The following OTOF variants were observed in gnomAD, a reference collection of about 807,000 sequenced individuals.
OTOF encodes the protein otoferlin.
A neutral mutation model predicts 236.8 loss-of-function variants in OTOF; 218 were observed. The ratio of observed to expected loss-of-function variants is 0.92; its 90% CI spans 0.82 to 1.03. The LOEUF is 1.03. Ranked by LOEUF, OTOF falls within the 50% of genes least tolerant of loss-of-function variation. OTOF has a pLI of 0.00. For synonymous variants in OTOF, 1,041 were observed against 1,072.5 expected, an observed-to-expected ratio of 0.97 and a Z score of 0.57; for missense variants, 2,590 against 2,694.4, an observed-to-expected ratio of 0.96 and a Z score of 0.86.
Position 26,466,808 on chromosome 2 carries a change from G to A in OTOF, c.4406C>T (p.Ser1469Phe), listed in dbSNP as rs750185599. Reference protein sequence around the residue: ...VYKVPLPEDVSREAGYDSTYG... With the variant: ...VYKVPLPEDVFREAGYDSTYG... ...GGTGGAGTCGTAGCCGGCTTCCCGG[G>A]ACACGTCCTCTGGGAGTGGCACTTT... Residue 1469 changes from serine (S) to phenylalanine (F), a missense_variant, in exon 36 of 47, where the codon TCC (serine) becomes TTC (phenylalanine). Coordinates refer to ENST00000272371, the MANE Select transcript of OTOF (RefSeq NM_194248.3). 1 of 1,614,234 alleles carries A rather than the reference G, an allele frequency of 6.2e-7. No homozygotes were observed. Among genetic ancestry groups the A allele is most frequent in the Non-Finnish European group, 8.5e-7 (1 of 1,180,040 alleles).
intron 8 of OTOF, among the ~76,000 whole-genome samples, chr2:26,495,651 C>T (rs1163430609): frequency 1.3e-5 from 2 of 152,092 alleles, no homozygotes; most frequent in Non-Finnish European, 2.9e-5. Flanking sequence ...TTCTCAAACT[C>T]CCGGCCTCAA....
intron 8 of OTOF, among the ~76,000 whole-genome samples, chr2:26,498,830 C>T (rs911142082): frequency 6.6e-6 from 1 of 152,166 alleles, no homozygotes; most frequent in Non-Finnish European, 1.5e-5. Flanking sequence ...TAGTACTGTC[C>T]TTCTGCAACA....
rs772531728 is a variant in OTOF, at chr2:26,467,178, G to T, written c.4283C>A (p.Thr1428Asn). ...EFDNFEDWLH[T>N]FNLLRGKTGD... ...GGTCTTGCCCCGAAGCAAGTTGAAA[G>T]TGTGCAGCCAGTCCTCAAAGTTATC... The change falls in exon 35 of 47, where the codon ACT (threonine) becomes AAT (asparagine). Residue 1428 changes from threonine (T) to asparagine (N), a missense_variant. Thr to Asn is a moderately conservative substitution (Grantham distance 65, BLOSUM62 0). Around this residue, in one of 2 missense-constraint regions of OTOF, gnomAD observed 1,211 missense variants for 1,352.8 expected, o/e 0.90. Coordinates refer to ENST00000272371, the MANE Select transcript of OTOF (RefSeq NM_194248.3). 1 of 1,614,160 alleles carries T rather than the reference G, an allele frequency of 6.2e-7. No individual in the cohort carries two copies. The highest frequency in any genetic ancestry group is 1.1e-5 in the South Asian group (1 of 91,084).
intron 15 of OTOF, 95 bp from the exon 16 acceptor site, chr2:26,480,406 T>C: frequency 7.4e-6 from 6 of 812,930 alleles, no homozygotes; most frequent in Non-Finnish European, 1.0e-5. Context: ...GCCGTGGGGG[T>C]GGATGGTGGG....
chr2:26,467,527 G>T, intron 33 of OTOF, 26 bp from the exon 34 acceptor site: 1 of 1,607,752 alleles, frequency 6.2e-7, no homozygotes, highest in South Asian at 1.1e-5. Context: ...AAAGGAGGTG[G>T]AGCAGAAATG....
intron 11 of OTOF, among the ~76,000 whole-genome samples, chr2:26,485,335 C>G (rs964114974): frequency 6.6e-6 from 1 of 152,196 alleles, no homozygotes; most frequent in Non-Finnish European, 1.5e-5. Context: ...CTGACTTCCT[C>G]GGAAGAGTTG....
intron 39 of OTOF, 96 bp downstream of exon 39, chr2:26,464,773 G>C: frequency 1.6e-6 from 2 of 1,267,070 alleles, no homozygotes; most frequent in Non-Finnish European, 2.2e-6. Flanking sequence ...GACACCCCAG[G>C]CTAGGCTGTG....
chr2:26,533,855 C>T lies in OTOF; in HGVS notation c.138+3861G>A, dbSNP rs78250377. On this transcript the variant is annotated intron_variant, in intron 2 of 46. Transcript: ENST00000272371. ...AGGCCAATGACGAACAAGACAGGTGCGTTTCTGGCCTCCAGGAGGTAACAG... is the reference window on the plus strand; with the variant it reads ...AGGCCAATGACGAACAAGACAGGTGTGTTTCTGGCCTCCAGGAGGTAACAG... Among the ~76,000 whole-genome samples the T allele has an allele frequency of 4.1e-3, 616 of 152,068 alleles. 8 individuals are homozygous for T. The highest frequency in any genetic ancestry group is 0.013 in the African/African-American group (536 of 41,468).
chr2:26,458,080 C>T lies in OTOF; in HGVS notation c.*158G>A. ...CTTTTTGACCATGTAGCCAGGGAGG[C>T]TGTAGAGGAAGAGCCCCAACATGAG... On this transcript the variant is annotated 3_prime_UTR_variant, in exon 47 of 47. Transcript: ENST00000272371. 1 of 1,614,174 alleles carries T rather than the reference C, an allele frequency of 6.2e-7. No homozygotes were observed. The highest frequency in any genetic ancestry group is 8.5e-7 in the Non-Finnish European group (1 of 1,180,008).
At chr2:26,532,548 T>C (rs1178419256) in intron 2 of OTOF, among the ~76,000 whole-genome samples, 1 of 152,144 alleles carries the variant, frequency 6.6e-6, no homozygotes, top group Non-Finnish European at 1.5e-5. Flanking sequence ...TGTTTCTCAG[T>C]CCTGGGGATG....
chr2:26,458,287 T>A lies in OTOF; in HGVS notation c.*18-67A>T, dbSNP rs1558462058. On this transcript the variant is annotated intron_variant, in intron 46 of 46. Coordinates refer to ENST00000272371, the MANE Select transcript of OTOF (RefSeq NM_194248.3). Reference sequence around the variant, plus strand: ...AGCTGCCTCCCAGTGCACCCCATCCTCTGTCCTTCTGGACCCCCAAAAGCC... The same window carrying A: ...AGCTGCCTCCCAGTGCACCCCATCCACTGTCCTTCTGGACCCCCAAAAGCC... The A allele has an allele frequency of 4.7e-6, 7 of 1,481,158 alleles. 1 individual carries two copies. The highest frequency in any genetic ancestry group is 6.5e-6 in the Non-Finnish European group (7 of 1,084,618). 91.8% of individuals were successfully genotyped at this position (1,481,158 alleles called of 1,614,324 possible). A position where few individuals can be genotyped will look rare whatever the true frequency, so the allele number is the denominator to read the frequency against.
chr2:26,461,991 C>A lies in OTOF; in HGVS notation c.5292-54G>T. 1 of 1,613,524 alleles carries A rather than the reference C, an allele frequency of 6.2e-7. No individual in the cohort carries two copies. The highest frequency in any genetic ancestry group is 1.3e-5 in the African/African-American group (1 of 75,006). ...GCCAGGCTGGTGGGGCCTCTCCCAC[C>A]CACAGCCACCTTCCCTCTGCCTCCT... On this transcript the variant is annotated intron_variant, in intron 42 of 46. Coordinates refer to ENST00000272371, the MANE Select transcript of OTOF (RefSeq NM_194248.3). The surrounding 1 kb of genome is among the most constrained non-coding windows in gnomAD (Gnocchi z 6.2).
At position 26,464,067 on chromosome 2, in the gene OTOF, G is replaced by T. The variant is rs1423274041; in HGVS notation, c.5000C>A (p.Ala1667Asp). The change falls in exon 40 of 47, where the codon GCC becomes GAC. Residue 1667 changes from alanine (A) to aspartate (D), a missense_variant. Around this residue, in one of 2 missense-constraint regions of OTOF, gnomAD observed 1,211 missense variants for 1,352.8 expected, o/e 0.90. Transcript: ENST00000272371. ...GGGGATGTCCTCCCAGTGCCTCAGG[G>T]CCAACAGCGCCACATGCTCGTCTGT... ...KPTDEHVALLALRHWEDIPRA... is the reference protein window; with the variant it reads ...KPTDEHVALLDLRHWEDIPRA... 1 of 1,613,626 alleles carries T rather than the reference G, an allele frequency of 6.2e-7. No individual in the cohort carries two copies. The highest frequency in any genetic ancestry group is 2.2e-5 in the East Asian group (1 of 44,872).
chr2:26,461,926 C>T lies in OTOF; in HGVS notation c.5303G>A (p.Gly1768Asp). 3 of 1,614,084 alleles carry T rather than the reference C, an allele frequency of 1.9e-6. 1 individual carries two copies. The highest frequency in any genetic ancestry group is 2.2e-5 in the South Asian group (2 of 91,082). Residue 1768 changes from glycine (G) to aspartate (D), a missense_variant, in exon 43 of 47, where the codon GGC becomes GAC. Coordinates refer to ENST00000272371, the MANE Select transcript of OTOF (RefSeq NM_194248.3). The surrounding 1 kb of genome is among the most constrained non-coding windows in gnomAD (Gnocchi z 6.2). ...SDIFVRGWLK[G>D]QQEDKQDTDV... ...TGTGTCCTGCTTGTCCTCCTGCTGG[C>T]CCTTCAGCCACCTGTGGGCGCCACA...
At chr2:26,478,040 C>CTACGGGGCTCAG (rs1558486884) in intron 18 of OTOF, 1 of 1,434,612 alleles carries the variant, frequency 7.0e-7, no homozygotes, top group Non-Finnish European at 9.1e-7. Flanking sequence ...GCAGAACTCA[C>CTACGGGGCTCAG]GGCTACGGGG....
Position 26,477,071 on chromosome 2 carries a change from GT to G in OTOF, c.2524-29del. 6.6e-7 allele frequency: 1 copy of G among 1,514,782 alleles called. No individual in the cohort carries two copies. The highest frequency in any genetic ancestry group is 9.0e-7 in the Non-Finnish European group (1 of 1,111,998). 93.8% of individuals were successfully genotyped at this position (1,514,782 alleles called of 1,614,324 possible). On this transcript the variant is annotated intron_variant, in intron 21 of 46. Coordinates refer to ENST00000272371, the MANE Select transcript of OTOF (RefSeq NM_194248.3). This position sits in a 1 kb window ranked among gnomAD's most constrained non-coding sequence, Gnocchi z 4.7. ...GGGGGTTGGGGGGTGGCCAGGGGCA[GT>G]GGGTAAGGGGGTCTAGCCTCCTGAT...
chr2:26,489,874 C>A, intron 9 of OTOF, 134 bp from the exon 10 acceptor site: 2 of 732,178 alleles, frequency 2.7e-6, no homozygotes, highest in Admixed American at 2.0e-5. Flanking sequence ...TTCAGAGGAG[C>A]AGCAGAGGCA....
At chr2:26,543,053 A>G (rs1403095242) in intron 1 of OTOF, among the ~76,000 whole-genome samples, 1 of 152,184 alleles carries the variant, frequency 6.6e-6, no homozygotes, top group Non-Finnish European at 1.5e-5. Flanking sequence ...GCTGGGCTGT[A>G]CAAAGCTCAG....
intron 10 of OTOF, 92 bp downstream of exon 10, chr2:26,489,586 A>C (rs538446307): frequency 9.4e-7 from 1 of 1,061,206 alleles, no homozygotes; most frequent in African/African-American, 1.6e-5. Context: ...CCTCTTTATC[A>C]TGGGTCTAGA....
Sources: allele counts gnomAD v4.1 joint callset (sites outside exome capture counted in the v4.1 genomes callset), GRCh38; gene constraint gnomAD v4.1.1; regional missense constraint gnomAD v4.1.1; non-coding constraint Gnocchi (gnomAD v3.1); transcripts MANE v1.5; gene names NCBI Gene and HGNC (gene_info 2026-07-23, HGNC 2026-07-21).